RPTOR: variants seen among roughly 807,000 people sequenced by gnomAD.
RPTOR encodes regulatory associated protein of MTOR complex 1.
RPTOR carries 21 observed loss-of-function variants against 169.9 expected under a neutral mutation model. That is an observed-to-expected ratio of 0.12 (90% confidence interval 0.09 to 0.18). The LOEUF is 0.18. Among genes scored for constraint, RPTOR ranks in the 10% least tolerant of loss-of-function variants. RPTOR has a pLI of 1.00. For synonymous variants in RPTOR, 732 were observed against 753.2 expected (o/e 0.97, Z 0.46); for missense variants, 1,133 against 1,855.9 (o/e 0.61, Z 7.16).
rs771235157 is a variant in RPTOR, at chr17:80,823,216, G to A, written c.1129G>A (p.Ala377Thr). The change falls in exon 9 of 34, where the codon GCC becomes ACC. Residue 377 changes from alanine (A) to threonine (T), a missense_variant. Coordinates refer to ENST00000306801, the MANE Select transcript of RPTOR (RefSeq NM_020761.3). The surrounding 1 kb of genome is among the most constrained non-coding windows in gnomAD (Gnocchi z 4.5). ...SPRLPPTYMH[A>T]MWQAWDLAVD... is the part of the protein sequence containing the mutation. Reference sequence around the variant, plus strand: ...GCGTCTGCCGCCCACGTACATGCACGCCATGTGGTGAGTGTTTCAGGATCC... The same window carrying A: ...GCGTCTGCCGCCCACGTACATGCACACCATGTGGTGAGTGTTTCAGGATCC... 37 of 1,613,734 alleles carry A rather than the reference G, an allele frequency of 2.3e-5. No individual in the cohort carries two copies. Among genetic ancestry groups the A allele is most frequent in the Non-Finnish European group, 2.9e-5 (34 of 1,179,848 alleles).
chr17:80,661,579 C>T (rs1053152620), intron 3 of RPTOR, among the ~76,000 whole-genome samples: 1 of 152,166 alleles, frequency 6.6e-6, no homozygotes, highest in Non-Finnish European at 1.5e-5. Context: ...TTGGGCTGTT[C>T]TGCTCTGCTT....
chr17:80,903,115 G>A (rs1201574363), intron 20 of RPTOR, among the ~76,000 whole-genome samples: 1 of 152,254 alleles, frequency 6.6e-6, no homozygotes, highest in Non-Finnish European at 1.5e-5. Flanking sequence ...ACTAATGCAA[G>A]GGAGGGGAGG....
chr17:80,856,672 C>G (rs184647345), intron 12 of RPTOR, among the ~76,000 whole-genome samples: 1 of 152,136 alleles, frequency 6.6e-6, no homozygotes, highest in African/African-American at 2.4e-5. Flanking sequence ...TTGGTGTGTG[C>G]GTGGTGGTGT....
At chr17:80,593,664 G>A (rs564213685) in intron 1 of RPTOR, 1 of 152,444 alleles carries the variant, frequency 6.6e-6, no homozygotes, top group African/African-American at 2.4e-5. Context: ...AAATACAATT[G>A]CAAAGGTGAG....
chr17:80,729,664 T>C (rs1227054494), intron 4 of RPTOR, among the ~76,000 whole-genome samples: 1 of 152,260 alleles, frequency 6.6e-6, no homozygotes, highest in African/African-American at 2.4e-5. Flanking sequence ...AAAGTGCTTA[T>C]GGACCTCTCT....
In RPTOR at chr17:80,925,315, G is replaced by T. The variant is rs879775853; in HGVS notation, c.2809-55G>T. On this transcript the variant is annotated intron_variant, in intron 23 of 33. Coordinates refer to ENST00000306801, the MANE Select transcript of RPTOR (RefSeq NM_020761.3). ...TGCAGCTCTTTTGAGCTCAGGAGTG[G>T]CATGACTGACTGGTGTTTCTTTTTC... 2.1e-5 allele frequency: 31 copies of T among 1,469,976 alleles called. No individual in the cohort carries two copies. The East Asian group carries it at 3.0e-4, about 14-fold the overall frequency. The allele number at this position is 1,469,976 out of a possible 1,614,324, so 91.1% of individuals were successfully genotyped here.
In RPTOR at chr17:80,860,338, C is replaced by T. The variant is rs911887905; in HGVS notation, c.1509+2438C>T. ...AGGCACCCCGAGCCACAGGCTCGTA[C>T]CCCGCACTGTGCGCTCTCACCCGTC... On this transcript the variant is annotated intron_variant, in intron 13 of 33. Coordinates refer to ENST00000306801, the MANE Select transcript of RPTOR (RefSeq NM_020761.3). The surrounding 1 kb of genome is among the most constrained non-coding windows in gnomAD (Gnocchi z 5.8). Among the ~76,000 whole-genome samples, 1 of 152,214 alleles carries T rather than the reference C, an allele frequency of 6.6e-6. No homozygotes were observed. The highest frequency in any genetic ancestry group is 2.4e-5 in the African/African-American group (1 of 41,468).
At chr17:80,728,075 A>C (rs2066355636) in intron 4 of RPTOR, among the ~76,000 whole-genome samples, 1 of 152,210 alleles carries the variant, frequency 6.6e-6, no homozygotes, top group African/African-American at 2.4e-5. Flanking sequence ...AGATAGATAG[A>C]TTCTCATTGT....
intron 3 of RPTOR, among the ~76,000 whole-genome samples, chr17:80,654,082 G>A (rs74637222): frequency 0.025 from 3,763 of 152,340 alleles, 166 homozygotes; most frequent in African/African-American, 0.086. Flanking sequence ...GATGCCAGAT[G>A]CCAGGCTCAG....
At chr17:80,585,765 C>T (rs2065055659) in intron 1 of RPTOR, among the ~76,000 whole-genome samples, 2 of 152,034 alleles carry the variant, frequency 1.3e-5, no homozygotes, top group African/African-American at 4.8e-5. Context: ...TGAAGAGGAG[C>T]CTGGAGGTAT....
rs1036387656 is a variant in RPTOR, at chr17:80,845,431, G to A, written c.1213-1042G>A. ...GTACCCTCGTTTCCCATTTCACTGA[G>A]GAAACAAGAAGCAGTCGCATGACCG... On this transcript the variant is annotated intron_variant, in intron 10 of 33. Transcript: ENST00000306801. The surrounding 1 kb of genome is among the most constrained non-coding windows in gnomAD (Gnocchi z 5.4). 4.6e-5 allele frequency among the ~76,000 whole-genome samples: 7 copies of A among 152,056 alleles called. No homozygotes were observed. Among genetic ancestry groups the A allele is most frequent in the Admixed American group, 2.0e-4 (3 of 15,262 alleles).
chr17:80,704,636 T>C (rs2066128878), intron 3 of RPTOR, among the ~76,000 whole-genome samples: 1 of 152,280 alleles, frequency 6.6e-6, no homozygotes. Context: ...TTACTACAAA[T>C]TGATTTGTTT....
chr17:80,752,427 G>A (rs2066639563), intron 5 of RPTOR, among the ~76,000 whole-genome samples: 1 of 152,210 alleles, frequency 6.6e-6, no homozygotes, highest in Admixed American at 6.5e-5. Flanking sequence ...AAAGCATTCT[G>A]TTTGGTGGAA....
intron 4 of RPTOR, among the ~76,000 whole-genome samples, chr17:80,710,719 T>C (rs1055919196): frequency 6.6e-6 from 1 of 152,158 alleles, no homozygotes; most frequent in Admixed American, 6.5e-5. Context: ...ACCTGTGTTA[T>C]GATGAATGAT....
chr17:80,934,854 A>C (rs1369143237), intron 24 of RPTOR, among the ~76,000 whole-genome samples: 4 of 152,174 alleles, frequency 2.6e-5, no homozygotes, highest in African/African-American at 9.7e-5. Context: ...AGATATCACA[A>C]GAATAAAAAA....
chr17:80,871,251 G>A (rs1204207305), intron 13 of RPTOR, among the ~76,000 whole-genome samples: 8 of 152,072 alleles, frequency 5.3e-5, no homozygotes, highest in East Asian at 1.9e-4. Flanking sequence ...GATTATAGGC[G>A]CCCGCCACCA....
rs2069319372 is a variant in RPTOR at position 80,960,292 on chromosome 17, C to T, written c.3605+87C>T. 6.5e-7 allele frequency: 1 copy of T among 1,549,690 alleles called. No individual in the cohort carries two copies. The highest frequency in any genetic ancestry group is 8.8e-7 in the Non-Finnish European group (1 of 1,132,744). On this transcript the variant is annotated intron_variant, in intron 30 of 33. Transcript: ENST00000306801. The surrounding 1 kb of genome is among the most constrained non-coding windows in gnomAD (Gnocchi z 4.8). ...CCGTGTCACTGCCATTTGGTTGGGT[C>T]CAGGTTTCTCAGTGAGATGCAAAGC...
Position 80,964,425 on chromosome 17 carries a change from C to T in RPTOR, c.*95C>T. 2.4e-6 allele frequency: 3 copies of T among 1,262,318 alleles called. No homozygotes were observed. The highest frequency in any genetic ancestry group is 3.4e-6 in the Non-Finnish European group (3 of 877,480). The allele number at this position is 1,262,318 out of a possible 1,614,324, so 78.2% of individuals were successfully genotyped here. ...CGGGGCGTCGGCTGCTGCGGCCCCG[C>T]AGTGTGAACGTTGGCTGCTGCCTTA... On this transcript the variant is annotated 3_prime_UTR_variant, in exon 34 of 34. Coordinates refer to ENST00000306801, the MANE Select transcript of RPTOR (RefSeq NM_020761.3).
At chr17:80,549,793 C>T (rs1001260244) in intron 1 of RPTOR, among the ~76,000 whole-genome samples, 2 of 152,190 alleles carry the variant, frequency 1.3e-5, no homozygotes, top group Non-Finnish European at 2.9e-5. Context: ...TGTAGACTGA[C>T]AGACACTCTG....
Sources: allele counts gnomAD v4.1 joint callset (sites outside exome capture counted in the v4.1 genomes callset), GRCh38; gene constraint gnomAD v4.1.1; non-coding constraint Gnocchi (gnomAD v3.1); transcripts MANE v1.5; gene names NCBI Gene and HGNC (gene_info 2026-07-23, HGNC 2026-07-21).